Variants in RALGAPA1 observed in about 807,000 individuals in gnomAD.
RALGAPA1 encodes the protein Ral GTPase activating protein catalytic subunit alpha 1, also known as ral GTPase-activating protein subunit alpha-1.
In RALGAPA1, 52 loss-of-function variants were observed where a neutral mutation model predicts 269.6. The observed-to-expected ratio is 0.19, with a 90% CI of 0.15 to 0.24. The LOEUF is 0.24. Among genes scored for constraint, RALGAPA1 ranks in the 10% least tolerant of loss-of-function variants. The pLI, the probability that RALGAPA1 is intolerant of heterozygous loss-of-function variation, is 1.00. For missense variants in RALGAPA1, 1,917 were observed against 3,013.9 expected, an observed-to-expected ratio of 0.64 and a Z score of 8.52; for synonymous variants, 817 against 1,008.3, an observed-to-expected ratio of 0.81 and a Z score of 3.60.
intron 1 of RALGAPA1, among the ~76,000 whole-genome samples, chr14:35,788,207 G>A (rs1031945650): frequency 6.6e-6 from 1 of 151,792 alleles, no homozygotes; most frequent in Non-Finnish European, 1.5e-5. Context: ...TCCTGACCTC[G>A]TGATTTACCC....
At chr14:35,700,410 A>C in intron 16 of RALGAPA1, 108 bp from the exon 17 acceptor site, 2 of 844,026 alleles carry the variant, frequency 2.4e-6, no homozygotes, top group Non-Finnish European at 3.3e-6. Flanking sequence ...AAAGGTACAA[A>C]GGAAGGAAAT....
chr14:35,794,919 C>T (rs1232978110), intron 1 of RALGAPA1, among the ~76,000 whole-genome samples: 1 of 152,092 alleles, frequency 6.6e-6, no homozygotes, highest in Non-Finnish European at 1.5e-5. Context: ...ACATTTTTTA[C>T]TAATCAATTT....
At chr14:35,702,726 A>AATATAT (rs1555409671) in intron 16 of RALGAPA1, among the ~76,000 whole-genome samples, 30 of 143,506 alleles carry the variant, frequency 2.1e-4, no homozygotes, top group African/African-American at 7.8e-4. Context: ...AAAAAAAAAA[A>AATATAT]ATATATATAT....
intron 12 of RALGAPA1, among the ~76,000 whole-genome samples, chr14:35,735,174 G>T (rs1183626804): frequency 6.6e-6 from 1 of 152,106 alleles, no homozygotes; most frequent in African/African-American, 2.4e-5. Context: ...AGAACTAAAA[G>T]TAGAACTGTC....
intron 35 of RALGAPA1, among the ~76,000 whole-genome samples, chr14:35,606,858 C>G (rs2139219895): frequency 6.6e-6 from 1 of 151,910 alleles, no homozygotes; most frequent in South Asian, 2.1e-4. Context: ...GAGTAAGTTA[C>G]CAAATCATGA....
At position 35,659,175 on chromosome 14, in the gene RALGAPA1, A is replaced by G. The variant is rs1206694647; in HGVS notation, c.5350T>C (p.Leu1784=). The change falls in exon 28 of 42, where the codon TTA becomes CTA. Residue 1784 remains leucine (L), a synonymous_variant. Coordinates refer to ENST00000680220, the MANE Select transcript of RALGAPA1 (RefSeq NM_001346249.2). ...DVKELIIKTV[L]SSARDEPSGP... is the part of the protein sequence containing the mutation. The stretch of plus-strand genomic sequence containing the variant: ...GAGGGCTCATCTCTTGCCGAGCTTA[A>G]TACAGTTTTGATTATAAGTTCCTAA... 6.2e-7 allele frequency: 1 copy of G among 1,611,356 alleles called. No individual in the cohort carries two copies. Among genetic ancestry groups the G allele is most frequent in the Non-Finnish European group, 8.5e-7 (1 of 1,178,520 alleles).
chr14:35,548,727 T>A (rs2054686554), intron 40 of RALGAPA1, among the ~76,000 whole-genome samples, 189 bp from the exon 41 acceptor site: 1 of 152,154 alleles, frequency 6.6e-6, no homozygotes. Flanking sequence ...ACCAGTTATA[T>A]TAGCTTTAGC....
chr14:35,546,323 T>C (rs2054451537), intron 41 of RALGAPA1, among the ~76,000 whole-genome samples: 1 of 152,004 alleles, frequency 6.6e-6, no homozygotes, highest in South Asian at 2.1e-4. Context: ...TAGATAATCT[T>C]GAACCAAATT....
chr14:35,777,392 C>T (rs1302288708), intron 1 of RALGAPA1, among the ~76,000 whole-genome samples: 1 of 152,054 alleles, frequency 6.6e-6, no homozygotes, highest in Non-Finnish European at 1.5e-5. Flanking sequence ...AACTAGGCAG[C>T]GTTACCTCTA....
intron 16 of RALGAPA1, among the ~76,000 whole-genome samples, chr14:35,712,889 GTTCATT>G (rs929424776): frequency 6.6e-6 from 1 of 152,202 alleles, no homozygotes; most frequent in African/African-American, 2.4e-5. Flanking sequence ...CTCCAGGTTG[GTTCATT>G]TTCTTCTCTC....
At chr14:35,710,738 T>C (rs2068252030) in intron 16 of RALGAPA1, among the ~76,000 whole-genome samples, 1 of 152,244 alleles carries the variant, frequency 6.6e-6, no homozygotes, top group Admixed American at 6.5e-5. Context: ...TATAATACTC[T>C]ATTTTAGCTG....
At chr14:35,585,022 G>C (rs1191805048) in intron 37 of RALGAPA1, among the ~76,000 whole-genome samples, 1 of 152,116 alleles carries the variant, frequency 6.6e-6, no homozygotes, top group Non-Finnish European at 1.5e-5. Flanking sequence ...GAAAGCAGGA[G>C]TAACTATATT....
At chr14:35,804,304 C>T (rs1461995570) in intron 1 of RALGAPA1, among the ~76,000 whole-genome samples, 1 of 150,016 alleles carries the variant, frequency 6.7e-6, no homozygotes, top group Non-Finnish European at 1.5e-5. Flanking sequence ...GGCGCGGTGG[C>T]TCACACCTGT....
chr14:35,761,430 C>T (rs531600795), intron 5 of RALGAPA1, among the ~76,000 whole-genome samples: 2 of 151,796 alleles, frequency 1.3e-5, no homozygotes, highest in African/African-American at 2.4e-5. Flanking sequence ...TGGCACACTG[C>T]GAATTCAATG....
At chr14:35,542,840 T>C (rs148625307) in intron 41 of RALGAPA1, among the ~76,000 whole-genome samples, 7 of 152,238 alleles carry the variant, frequency 4.6e-5, no homozygotes, top group Admixed American at 4.6e-4. Context: ...TTGATTCATA[T>C]ATTGCACATT....
intron 35 of RALGAPA1, among the ~76,000 whole-genome samples, chr14:35,611,497 T>C (rs1254531871): frequency 2.3e-5 from 3 of 132,628 alleles, no homozygotes. Context: ...AGACTCCATC[T>C]CAAAAAAGAA....
At chr14:35,786,540 A>C (rs1157357757) in intron 1 of RALGAPA1, among the ~76,000 whole-genome samples, 5 of 151,982 alleles carry the variant, frequency 3.3e-5, no homozygotes, top group Non-Finnish European at 7.4e-5. Context: ...CGGGAGGCTG[A>C]GGCAGGAGAA....
At chr14:35,557,364 A>G (rs2055726744) in intron 39 of RALGAPA1, among the ~76,000 whole-genome samples, 1 of 151,828 alleles carries the variant, frequency 6.6e-6, no homozygotes, top group South Asian at 2.1e-4. Context: ...TGTTATCTCT[A>G]CTTAAATGTG....
At chr14:35,737,530 G>A (rs1362286363) in intron 12 of RALGAPA1, among the ~76,000 whole-genome samples, 2 of 152,038 alleles carry the variant, frequency 1.3e-5, no homozygotes, top group Admixed American at 6.6e-5. Context: ...GCCAAGGCAG[G>A]TGGATTACCT....
Sources: allele counts gnomAD v4.1 joint callset (sites outside exome capture counted in the v4.1 genomes callset), GRCh38; gene constraint gnomAD v4.1.1; transcripts MANE v1.5; gene names NCBI Gene and HGNC (gene_info 2026-07-23, HGNC 2026-07-21).